Variants in ZNF383 observed in about 807,000 individuals in gnomAD.
ZNF383 encodes zinc finger protein 383.
A neutral mutation model predicts 44.2 loss-of-function variants in ZNF383; 32 were observed. The ratio of observed to expected loss-of-function variants is 0.72; its 90% CI spans 0.55 to 0.97. ZNF383 has a LOEUF of 0.97. Among genes scored for constraint, ZNF383 ranks in the 50% least tolerant of loss-of-function variants. ZNF383 has a pLI of 0.00. For synonymous variants in ZNF383, 155 were observed against 186.2 expected (o/e 0.83, Z 1.36); for missense variants, 487 against 562.5 (o/e 0.87, Z 1.36).
At chr19:37,242,115 A>ATAGTATC (rs1974144282) in intron 5 of ZNF383, among the ~76,000 whole-genome samples, 6 of 147,108 alleles carry the variant, frequency 4.1e-5, no homozygotes, top group South Asian at 2.2e-4. Context: ...TAGTATCTAT[A>ATAGTATC]TATACTATAA....
intron 5 of ZNF383, among the ~76,000 whole-genome samples, chr19:37,239,773 A>G (rs1017464922): frequency 1.3e-5 from 2 of 152,180 alleles, no homozygotes; most frequent in African/African-American, 4.8e-5. Flanking sequence ...GGTCTGGGTA[A>G]GAGTTGATTC....
chr19:37,238,289 TTA>T (rs1182340037), intron 5 of ZNF383, among the ~76,000 whole-genome samples: 1 of 151,112 alleles, frequency 6.6e-6, no homozygotes, highest in Non-Finnish European at 1.5e-5. Context: ...GACATTAATA[TTA>T]TATGATATAT....
chr19:37,231,677 A>C (rs544717139), intron 3 of ZNF383, among the ~76,000 whole-genome samples: 1 of 152,218 alleles, frequency 6.6e-6, no homozygotes, highest in African/African-American at 2.4e-5. Flanking sequence ...CATCAGGCAC[A>C]AGCAAACTGA....
At chr19:37,218,303 A>C (rs1376601137) in intron 1 of ZNF383, 29 bp downstream of exon 1, 1 of 152,340 alleles carries the variant, frequency 6.6e-6, no homozygotes, top group Non-Finnish European at 1.5e-5. Flanking sequence ...GAAGGGACTG[A>C]CCAGGCTGGT....
intron 3 of ZNF383, 39 bp downstream of exon 3, chr19:37,230,501 TTA>T: frequency 6.3e-7 from 1 of 1,578,366 alleles, no homozygotes; most frequent in Non-Finnish European, 8.6e-7. Flanking sequence ...GACATTTAGT[TTA>T]AAAAAAAAAA....
intron 2 of ZNF383, among the ~76,000 whole-genome samples, chr19:37,229,698 GTA>G (rs36115378): frequency 0.39 from 53,252 of 137,102 alleles, 11,034 homozygotes; most frequent in African/African-American, 0.57. Context: ...GTATATATAT[GTA>G]TATATATATG....
In ZNF383 at chr19:37,243,019, G is replaced by A; in HGVS notation, c.783G>A (p.Lys261=). The part of the protein sequence containing the change: ...KKPYECKECG[K]AFSYCSNLID... ...CCTATGAATGTAAGGAATGTGGGAA[G>A]GCCTTTAGTTATTGCTCAAATCTTA... Residue 261 remains lysine (K), a synonymous_variant, in exon 6 of 6, where the codon AAG becomes AAA. Coordinates refer to ENST00000684119, the MANE Select transcript of ZNF383 (RefSeq NM_001387601.1). 2 of 1,614,098 alleles carry A rather than the reference G, an allele frequency of 1.2e-6. No homozygotes were observed. Among genetic ancestry groups the A allele is most frequent in the Non-Finnish European group, 1.7e-6 (2 of 1,180,010 alleles).
chr19:37,235,458 G>A (rs1973739869), intron 3 of ZNF383, 91 bp from the exon 4 acceptor site: 9 of 1,320,340 alleles, frequency 6.8e-6, no homozygotes, highest in African/African-American at 1.5e-5. Flanking sequence ...CCAATATAAT[G>A]ACTCATTTTG....
chr19:37,219,634 C>T (rs1047114190), intron 1 of ZNF383: 2 of 152,422 alleles, frequency 1.3e-5, no homozygotes, highest in Non-Finnish European at 2.9e-5. Context: ...CTCTGATCTG[C>T]TCAGTCTGGG....
rs368962335 is a variant in ZNF383, at chr19:37,243,257, A to T, written c.1021A>T (p.Lys341Ter). The T allele has an allele frequency of 7.2e-5, 117 of 1,613,996 alleles. No homozygotes were observed. The highest frequency in any genetic ancestry group is 9.2e-5 in the Non-Finnish European group (109 of 1,180,004). ...TACTGGTGAGAAACCCTATGAGTGCAAGGAATGTGGCAAAGCCTTTAGTAG... is the reference window on the plus strand; with the variant it reads ...TACTGGTGAGAAACCCTATGAGTGCTAGGAATGTGGCAAAGCCTTTAGTAG... ...IHTGEKPYEC[K>*]ECGKAFSSGS... Residue 341 changes from lysine (K) to a stop codon, truncating the protein, a stop_gained, in exon 6 of 6, where the codon AAG (lysine) becomes TAG (stop). Coordinates refer to ENST00000684119, the MANE Select transcript of ZNF383 (RefSeq NM_001387601.1). LOFTEE classifies it high-confidence loss of function.
intron 3 of ZNF383, 25 bp from the exon 4 acceptor site, chr19:37,235,524 G>GTAATACGTATGTT: frequency 6.2e-7 from 1 of 1,613,288 alleles, no homozygotes; most frequent in Non-Finnish European, 8.5e-7. Context: ...AATTACACAA[G>GTAATACGTATGTT]TAATACGTAT....
intron 1 of ZNF383, among the ~76,000 whole-genome samples, chr19:37,221,810 G>T (rs1972931012): frequency 6.6e-6 from 1 of 150,546 alleles, no homozygotes; most frequent in Non-Finnish European, 1.5e-5. Context: ...CAAAAAATTA[G>T]CCGGGCATGG....
rs1974293469 is a variant in ZNF383, at chr19:37,244,720, A to G, written c.*1056A>G. ...GTACATTTTTAATTGTTAAGCCAAA[A>G]TCACAAAGCAAAAAATTACAAACTA... On this transcript the variant is annotated 3_prime_UTR_variant, in exon 6 of 6. Coordinates refer to ENST00000684119, the MANE Select transcript of ZNF383 (RefSeq NM_001387601.1). The G allele has an allele frequency of 6.6e-6, 1 of 152,176 alleles. No homozygotes were observed. The highest frequency in any genetic ancestry group is 1.5e-5 in the Non-Finnish European group (1 of 68,034). 9.4% of individuals were successfully genotyped at this position (152,176 alleles called of 1,614,324 possible). A position where few individuals can be genotyped will look rare whatever the true frequency, so the allele number is the denominator to read the frequency against.
chr19:37,237,094 T>C lies in ZNF383; in HGVS notation c.232+1020T>C, dbSNP rs75919379. Among the ~76,000 whole-genome samples the C allele has an allele frequency of 2.1e-3, 313 of 152,270 alleles. 1 individual carries two copies. The highest frequency in any genetic ancestry group is 7.2e-3 in the African/African-American group (301 of 41,566). ...CAGACTGTCTTCAATGTTTCCTTTA[T>C]GGAACGTTTTTTAATTTCCTGGTTT... is the stretch of plus-strand genomic sequence containing the variant. On this transcript the variant is annotated intron_variant, in intron 5 of 5. Coordinates refer to ENST00000684119, the MANE Select transcript of ZNF383 (RefSeq NM_001387601.1).
chr19:37,236,253 C>T (rs1973784084), intron 5 of ZNF383, among the ~76,000 whole-genome samples, 179 bp downstream of exon 5: 1 of 151,992 alleles, frequency 6.6e-6, no homozygotes, highest in South Asian at 2.1e-4. Context: ...CTTTTCCTCA[C>T]TTACCACTAT....
intron 3 of ZNF383, among the ~76,000 whole-genome samples, chr19:37,234,551 G>A (rs943086570): frequency 3.9e-5 from 6 of 151,992 alleles, no homozygotes; most frequent in South Asian, 2.1e-4. Flanking sequence ...CACCACGCCT[G>A]GCTAATTTTT....
chr19:37,225,629 T>A (rs1358207046), intron 2 of ZNF383, among the ~76,000 whole-genome samples: 1 of 152,064 alleles, frequency 6.6e-6, no homozygotes, highest in Non-Finnish European at 1.5e-5. Flanking sequence ...GTGACTGGCT[T>A]CTTTCCAGTC....
intron 5 of ZNF383, among the ~76,000 whole-genome samples, chr19:37,241,197 C>T (rs539991642): frequency 2.0e-4 from 30 of 152,200 alleles, no homozygotes; most frequent in Non-Finnish European, 4.1e-4. Flanking sequence ...ACTTCTGACA[C>T]TATTCAGGAT....
chr19:37,222,673 C>T (rs964331959), intron 1 of ZNF383, among the ~76,000 whole-genome samples: 4 of 152,158 alleles, frequency 2.6e-5, no homozygotes, highest in East Asian at 1.9e-4. Context: ...CCACCGTGCC[C>T]GGCCGAATAT....
Sources: gnomAD v4.1 joint callset for allele counts (sites outside exome capture counted in the v4.1 genomes callset) on GRCh38, gnomAD v4.1.1 for gene constraint, MANE v1.5 for transcripts, NCBI Gene and HGNC (gene_info 2026-07-23, HGNC 2026-07-21) for gene names.